The following SHCBP1L variants were observed in gnomAD, a reference collection of about 807,000 sequenced individuals.
SHCBP1L encodes SHC binding and spindle associated 1 like, also known as testicular spindle-associated protein SHCBP1L.
Under a neutral mutation model 62.5 loss-of-function variants are expected in SHCBP1L, and 67 were observed. The observed-to-expected ratio is 1.07, with a 90% CI of 0.88 to 1.31. SHCBP1L has a LOEUF of 1.31. Among genes scored for constraint, SHCBP1L ranks in the 40% most tolerant of loss-of-function variants. The probability of loss-of-function intolerance (pLI) is 0.00; values close to 1 mark genes in which losing one functional copy is unlikely to be tolerated. For synonymous variants in SHCBP1L, 284 were observed against 289.4 expected (o/e 0.98, Z 0.19); for missense variants, 823 against 809.8 (o/e 1.02, Z -0.20).
rs1651742878 is a variant in SHCBP1L at position 182,951,453 on chromosome 1, A to G, written c.420T>C (p.Asp140=). The part of the protein sequence containing the change: ...VLQDCKAEDA[D]EVMGKYLSEK... ...CTGATAGGTATTTACCCATAACTTC[A>G]TCAGCATCTTCTGCCTAACAAGAGA... is the stretch of plus-strand genomic sequence containing the variant. Residue 140 remains aspartate (D), a synonymous_variant, in exon 2 of 10, where the codon GAT becomes GAC. Transcript: ENST00000367547. 1 of 1,583,614 alleles carries G rather than the reference A, an allele frequency of 6.3e-7. No homozygotes were observed. The highest frequency in any genetic ancestry group is 8.6e-7 in the Non-Finnish European group (1 of 1,166,202).
intron 1 of SHCBP1L, chr1:182,952,502 C>T (rs1651810556): frequency 2.0e-6 from 1 of 502,508 alleles, no homozygotes; most frequent in African/African-American, 2.0e-5. Flanking sequence ...TGTCCCGTTA[C>T]CTGACGAATT....
intron 6 of SHCBP1L, among the ~76,000 whole-genome samples, chr1:182,924,601 A>C (rs1557996459): frequency 1.3e-5 from 2 of 150,806 alleles, no homozygotes; most frequent in African/African-American, 2.5e-5. Context: ...CCGCCAAAAG[A>C]ATCAATGTTG....
chr1:182,904,536 T>A, intron 7 of SHCBP1L, 106 bp from the exon 8 acceptor site: 23 of 51,326 alleles, frequency 4.5e-4, no homozygotes, highest in Non-Finnish European at 8.4e-4. Flanking sequence ...CCTGTGTGCG[T>A]GTGTGTGTGT....
chr1:182,926,636 T>C (rs558087022), intron 6 of SHCBP1L, among the ~76,000 whole-genome samples: 111 of 152,204 alleles, frequency 7.3e-4, no homozygotes, highest in African/African-American at 2.5e-3. Context: ...TTTATGATCT[T>C]AAAGTCTATG....
At chr1:182,945,869 G>A (rs1651550146) in intron 2 of SHCBP1L, among the ~76,000 whole-genome samples, 1 of 152,068 alleles carries the variant, frequency 6.6e-6, no homozygotes, top group Non-Finnish European at 1.5e-5. Context: ...AGACCAGCCT[G>A]GTAAACATAG....
intron 5 of SHCBP1L, among the ~76,000 whole-genome samples, chr1:182,936,658 T>G (rs1651185501): frequency 6.6e-6 from 1 of 152,184 alleles, no homozygotes; most frequent in South Asian, 2.1e-4. Context: ...TCTTTTATGA[T>G]ATTGTTTCAT....
intron 9 of SHCBP1L, among the ~76,000 whole-genome samples, chr1:182,901,610 T>C (rs1649840846): frequency 6.6e-6 from 1 of 152,206 alleles, no homozygotes; most frequent in Non-Finnish European, 1.5e-5. Context: ...GGGCCAGATC[T>C]TGTCAGATTT....
rs780343532 is a variant in SHCBP1L, at chr1:182,899,947, T to C, written c.*36A>G. 6.6e-7 allele frequency: 1 copy of C among 1,525,844 alleles called. No individual in the cohort carries two copies. 94.5% of individuals were successfully genotyped at this position (1,525,844 alleles called of 1,614,324 possible). A position where few individuals can be genotyped will look rare whatever the true frequency, so the allele number is the denominator to read the frequency against. On this transcript the variant is annotated 3_prime_UTR_variant, in exon 10 of 10. Coordinates refer to ENST00000367547, the MANE Select transcript of SHCBP1L (RefSeq NM_030933.4). The stretch of plus-strand genomic sequence containing the variant: ...ATGAGAATCATGTATTAAACAAATT[T>C]GTGAAATATAAAACTTTAACATCAA...
intron 1 of SHCBP1L, chr1:182,952,493 G>C (rs1478578686): frequency 4.1e-6 from 2 of 484,722 alleles, no homozygotes; most frequent in Non-Finnish European, 3.6e-6. Context: ...TCTCAGGGCT[G>C]TCCCGTTACC....
rs1026775415 is a variant in SHCBP1L at position 182,904,096 on chromosome 1, T to A, written c.1587+84A>T. 15 of 1,483,278 alleles carry A rather than the reference T, an allele frequency of 1.0e-5. No individual in the cohort carries two copies. In the Admixed American group the frequency reaches 3.3e-4, roughly 33 times the overall value. The allele number at this position is 1,483,278 out of a possible 1,614,324, so 91.9% of individuals were successfully genotyped here. A position where few individuals can be genotyped will look rare whatever the true frequency, so the allele number is the denominator to read the frequency against. On this transcript the variant is annotated intron_variant, in intron 8 of 9. Transcript: ENST00000367547. ...GAATTCCACTAAAAGATGAAGAAAT[T>A]GCTACCCTTTATTTGTATATTAAGA...
chr1:182,941,447 A>G (rs1245622322), intron 2 of SHCBP1L, among the ~76,000 whole-genome samples: 1 of 152,182 alleles, frequency 6.6e-6, no homozygotes, highest in Non-Finnish European at 1.5e-5. Flanking sequence ...TTCCAGCTTA[A>G]AATTTGGAAG....
chr1:182,936,342 G>A (rs754437047), intron 5 of SHCBP1L, among the ~76,000 whole-genome samples: 1 of 151,660 alleles, frequency 6.6e-6, no homozygotes, highest in African/African-American at 2.4e-5. Context: ...CACCATGTTG[G>A]CCAGGCTGGT....
chr1:182,915,844 T>C (rs1376405130), intron 6 of SHCBP1L, among the ~76,000 whole-genome samples: 1 of 150,412 alleles, frequency 6.6e-6, no homozygotes, highest in Non-Finnish European at 1.5e-5. Context: ...TCTCACTCTG[T>C]CGCCCAGGCT....
At chr1:182,945,169 A>G (rs1044005242) in intron 2 of SHCBP1L, among the ~76,000 whole-genome samples, 11 of 151,818 alleles carry the variant, frequency 7.2e-5, no homozygotes, top group African/African-American at 2.7e-4. Context: ...TCACCATGTT[A>G]GCCAGGCTGG....
At chr1:182,904,582 T>A (rs1047870145) in intron 7 of SHCBP1L, 152 bp from the exon 8 acceptor site, 1 of 816,600 alleles carries the variant, frequency 1.2e-6, no homozygotes, top group African/African-American at 1.8e-5. Context: ...TGTGTGCGCA[T>A]GCGCATTTTT....
intron 6 of SHCBP1L, among the ~76,000 whole-genome samples, chr1:182,925,680 T>C (rs891022965): frequency 1.3e-5 from 2 of 152,210 alleles, no homozygotes; most frequent in African/African-American, 2.4e-5. Context: ...AAGTTGCACA[T>C]ATGACCCAGT....
intron 6 of SHCBP1L, among the ~76,000 whole-genome samples, chr1:182,916,385 A>G (rs1282890808): frequency 6.6e-6 from 1 of 152,164 alleles, no homozygotes; most frequent in Non-Finnish European, 1.5e-5. Flanking sequence ...TCAATGAAAT[A>G]GAGAATAGGA....
chr1:182,940,558 A>C lies in SHCBP1L; in HGVS notation c.556-15T>G. On this transcript the variant is annotated splice_polypyrimidine_tract_variant and intron_variant, in intron 2 of 9. Coordinates refer to ENST00000367547, the MANE Select transcript of SHCBP1L (RefSeq NM_030933.4). The stretch of plus-strand genomic sequence containing the variant: ...TCACAAGTTACCTAAGATAAATATC[A>C]TAAGAGATAAGAGATATAGTTATAA... The C allele has an allele frequency of 1.0e-5, 16 of 1,593,464 alleles. No homozygotes were observed. Among genetic ancestry groups the C allele is most frequent in the Non-Finnish European group, 1.3e-5 (15 of 1,164,242 alleles).
intron 6 of SHCBP1L, among the ~76,000 whole-genome samples, chr1:182,910,504 G>A (rs964083135): frequency 3.3e-5 from 5 of 152,196 alleles, no homozygotes; most frequent in African/African-American, 1.2e-4. Flanking sequence ...CCTCAGGTTG[G>A]AGTGGCTTTC....
Sources: gnomAD v4.1 joint callset for allele counts (sites outside exome capture counted in the v4.1 genomes callset) on GRCh38, gnomAD v4.1.1 for gene constraint, MANE v1.5 for transcripts, NCBI Gene and HGNC (gene_info 2026-07-23, HGNC 2026-07-21) for gene names.